The following SRBD1 variants were observed in gnomAD, a reference collection of about 807,000 sequenced individuals.
SRBD1 encodes the protein S1 RNA binding domain 1.
SRBD1 carries 88 observed loss-of-function variants against 115.3 expected under a neutral mutation model. The ratio of observed to expected loss-of-function variants is 0.76; its 90% confidence interval spans 0.64 to 0.91. The LOEUF (loss-of-function observed/expected upper bound fraction) is 0.91. Among genes scored for constraint, SRBD1 ranks in the 40% least tolerant of loss-of-function variants. SRBD1 has a pLI of 0.00. For synonymous variants in SRBD1, 509 were observed against 407.7 expected (o/e 1.25, Z -2.99); for missense variants, 1,385 against 1,177.4 (o/e 1.18, Z -2.58).
rs144910309 is a variant in SRBD1, at chr2:45,407,383, T to C, written c.2513+5731A>G. Among the ~76,000 whole-genome samples, 55 of 152,314 alleles carry C rather than the reference T, an allele frequency of 3.6e-4. No individual in the cohort carries two copies. In the East Asian group the frequency reaches 0.01, roughly 28 times the overall value. ...AAATGTAACCTTCTGCATAAAACTT[T>C]ACAAGATTCCCCTATTTGGAAATGA... On this transcript the variant is annotated intron_variant, in intron 19 of 20. Transcript: ENST00000263736.
At chr2:45,537,164 A>G (rs1212187449) in intron 14 of SRBD1, among the ~76,000 whole-genome samples, 3 of 152,222 alleles carry the variant, frequency 2.0e-5, no homozygotes, top group Admixed American at 2.0e-4. Context: ...TAAAGAGAAC[A>G]TGAATCTGGA....
At chr2:45,425,724 G>C (rs1437759408) in intron 16 of SRBD1, among the ~76,000 whole-genome samples, 1 of 152,104 alleles carries the variant, frequency 6.6e-6, no homozygotes, top group Non-Finnish European at 1.5e-5. Context: ...AAAGCACAAG[G>C]AGTCAGGGAA....
rs536672617 is a variant in SRBD1, at chr2:45,389,467, C to T, written c.2831G>A (p.Gly944Glu). ...TGTTACATTTCGTATGGGAATCAGC[C>T]CAGATTTCCCCACTCCTATATCCAC... ...IFVDIGVGKS[G>E]LIPIRNVTEA... The change falls in exon 21 of 21, where the codon GGG (glycine) becomes GAG (glutamate). Residue 944 changes from glycine to glutamate, a missense_variant. Transcript: ENST00000263736. 1 of 1,613,962 alleles carries T rather than the reference C, an allele frequency of 6.2e-7. No homozygotes were observed. The highest frequency in any genetic ancestry group is 1.1e-5 in the South Asian group (1 of 91,074).
chr2:45,441,529 G>A (rs751563577), intron 16 of SRBD1, among the ~76,000 whole-genome samples: 37 of 152,210 alleles, frequency 2.4e-4, no homozygotes, highest in Non-Finnish European at 4.9e-4. Flanking sequence ...AGATCTCTTT[G>A]TTCATTTGCT....
At chr2:45,445,012 A>G (rs185188379) in intron 16 of SRBD1, among the ~76,000 whole-genome samples, 1 of 152,354 alleles carries the variant, frequency 6.6e-6, no homozygotes, top group African/African-American at 2.4e-5. Context: ...TTAGGAACTC[A>G]AGGCAAGACA....
intron 14 of SRBD1, among the ~76,000 whole-genome samples, chr2:45,531,730 C>G (rs1263060689): frequency 6.6e-6 from 1 of 151,738 alleles, no homozygotes; most frequent in Non-Finnish European, 1.5e-5. Flanking sequence ...GAACAGACAA[C>G]AGCCTCTAAA....
At chr2:45,455,318 A>C (rs555893867) in intron 16 of SRBD1, among the ~76,000 whole-genome samples, 2 of 152,086 alleles carry the variant, frequency 1.3e-5, no homozygotes, top group Non-Finnish European at 2.9e-5. Context: ...CTGTGTAAGA[A>C]TGTATGCAGC....
chr2:45,567,035 T>C (rs1057211340), intron 9 of SRBD1, among the ~76,000 whole-genome samples: 11 of 152,194 alleles, frequency 7.2e-5, no homozygotes, highest in Non-Finnish European at 1.5e-4. Context: ...ACTTCCTATC[T>C]GTGGTGAAAC....
rs368461068 is a variant in SRBD1 at position 45,491,891 on chromosome 2, G to A, written c.1875-3560C>T. Among the ~76,000 whole-genome samples the A allele has an allele frequency of 2.8e-3, 424 of 151,874 alleles. 1 individual carries two copies. The highest frequency in any genetic ancestry group is 9.6e-3 in the African/African-American group (397 of 41,432). The stretch of plus-strand genomic sequence containing the variant: ...GGCTGGAATGCAATGGCGCAATCTC[G>A]GCTCACTATTACCTCCGCCTCCCAG... On this transcript the variant is annotated intron_variant, in intron 14 of 20. Transcript: ENST00000263736.
chr2:45,520,902 T>C (rs931510250), intron 14 of SRBD1, among the ~76,000 whole-genome samples: 2 of 152,212 alleles, frequency 1.3e-5, no homozygotes, highest in Admixed American at 6.5e-5. Context: ...TTCCAGGATG[T>C]TGGACAACAG....
intron 16 of SRBD1, among the ~76,000 whole-genome samples, chr2:45,432,137 C>T (rs1210979549): frequency 2.0e-5 from 3 of 152,080 alleles, no homozygotes; most frequent in African/African-American, 7.2e-5. Flanking sequence ...TCAAGTGGTT[C>T]TCCCGCCTCA....
chr2:45,558,980 G>A (rs1029163990), intron 10 of SRBD1, among the ~76,000 whole-genome samples: 1 of 152,044 alleles, frequency 6.6e-6, no homozygotes, highest in Non-Finnish European at 1.5e-5. Flanking sequence ...GATTACAGGC[G>A]TGAGCCACCA....
intron 19 of SRBD1, among the ~76,000 whole-genome samples, chr2:45,407,546 T>C (rs1227557185): frequency 2.0e-5 from 3 of 152,178 alleles, no homozygotes; most frequent in Non-Finnish European, 4.4e-5. Flanking sequence ...ATCACCTCTA[T>C]TCATTTTTAT....
rs750245963 is a variant in SRBD1, at chr2:45,477,060, C to T, written c.1982G>A (p.Arg661His). 2.4e-5 allele frequency: 39 copies of T among 1,613,384 alleles called. No individual in the cohort carries two copies. The highest frequency in any genetic ancestry group is 1.6e-4 in the Middle Eastern group (1 of 6,078). The change falls in exon 16 of 21, where the codon CGT becomes CAT. Residue 661 changes from arginine to histidine, a missense_variant. Transcript: ENST00000263736. ...TAGCTCAGCTAATGGATCTTGTACA[C>T]GCCTTGCTATGGAAACTGAAAAAAC... ...NLRSAVSIARRVQDPLAELVK... is the reference protein window; with the variant it reads ...NLRSAVSIARHVQDPLAELVK...
At chr2:45,394,701 C>G (rs893738361) in intron 19 of SRBD1, among the ~76,000 whole-genome samples, 1 of 152,182 alleles carries the variant, frequency 6.6e-6, no homozygotes, top group Non-Finnish European at 1.5e-5. Context: ...CCATCTCTCA[C>G]TTAAGTAGGG....
At chr2:45,418,755 G>A (rs1282648894) in intron 17 of SRBD1, among the ~76,000 whole-genome samples, 1 of 151,006 alleles carries the variant, frequency 6.6e-6, no homozygotes, top group African/African-American at 2.4e-5. Context: ...AAAAAATAAT[G>A]ACAAAACCAA....
At chr2:45,516,040 A>G (rs143380524) in intron 14 of SRBD1, among the ~76,000 whole-genome samples, 101 of 152,324 alleles carry the variant, frequency 6.6e-4, no homozygotes, top group African/African-American at 2.4e-3. Flanking sequence ...CTCCTAGTCA[A>G]GTATTCAGCC....
At chr2:45,494,915 C>T (rs528785048) in intron 14 of SRBD1, among the ~76,000 whole-genome samples, 6 of 152,122 alleles carry the variant, frequency 3.9e-5, no homozygotes, top group Non-Finnish European at 8.8e-5. Context: ...TCTTCAATTA[C>T]CAGCGTTTTG....
intron 16 of SRBD1, among the ~76,000 whole-genome samples, chr2:45,476,491 T>C (rs1046785032): frequency 1.3e-5 from 2 of 152,206 alleles, no homozygotes; most frequent in Non-Finnish European, 2.9e-5. Context: ...AAATTCACTC[T>C]GCCAAGGTTT....
Sources: allele counts gnomAD v4.1 joint callset (sites outside exome capture counted in the v4.1 genomes callset), GRCh38; gene constraint gnomAD v4.1.1; transcripts MANE v1.5; gene names NCBI Gene and HGNC (gene_info 2026-07-23, HGNC 2026-07-21).